Variants in KCTD10 observed in about 807,000 individuals in gnomAD.
KCTD10 encodes potassium channel tetramerization domain containing 10, also known as BTB/POZ domain-containing adapter for CUL3-mediated RhoA degradation protein 3.
A neutral mutation model predicts 34.6 loss-of-function variants in KCTD10; 13 were observed. The ratio of observed to expected loss-of-function variants is 0.38; its 90% CI spans 0.24 to 0.60. KCTD10 has a LOEUF of 0.60. KCTD10 is among the 20% of genes least tolerant of loss of function. KCTD10 has a pLI of 0.66. For synonymous variants in KCTD10, 156 were observed against 168.8 expected, an observed-to-expected ratio of 0.92 and a Z score of 0.59; for missense variants, 256 against 420.3, an observed-to-expected ratio of 0.61 and a Z score of 3.42.
chr12:109,456,071 G>A (rs377602387), intron 6 of KCTD10, 47 bp downstream of exon 6: 51 of 1,564,262 alleles, frequency 3.3e-5, no homozygotes, highest in Non-Finnish European at 4.5e-5. Context: ...TTCTATAGGT[G>A]TGTGTTTCAG....
At chr12:109,463,434 G>C (rs1873437386) in intron 2 of KCTD10, among the ~76,000 whole-genome samples, 1 of 152,204 alleles carries the variant, frequency 6.6e-6, no homozygotes, top group Non-Finnish European at 1.5e-5. Context: ...TTCAAAGCAG[G>C]AAGTGATCCC....
intron 6 of KCTD10, among the ~76,000 whole-genome samples, chr12:109,453,545 G>C (rs1872879255): frequency 6.6e-6 from 1 of 152,184 alleles, no homozygotes. Flanking sequence ...GCAGCAACCA[G>C]AGACTGCAGG....
intron 2 of KCTD10, among the ~76,000 whole-genome samples, chr12:109,467,914 C>T (rs1873672902): frequency 6.6e-6 from 1 of 152,152 alleles, no homozygotes; most frequent in Non-Finnish European, 1.5e-5. Flanking sequence ...GCCACCAAGG[C>T]GAGGCCTTTC....
intron 1 of KCTD10, 195 bp from the exon 2 acceptor site, chr12:109,469,923 C>A (rs2135678012): frequency 1.5e-6 from 2 of 1,294,038 alleles, no homozygotes; most frequent in South Asian, 1.6e-5. Context: ...AAATCAGAGG[C>A]CAACTGGGCT....
At chr12:109,471,497 C>T (rs1873883920) in intron 1 of KCTD10, 1 of 847,802 alleles carries the variant, frequency 1.2e-6, no homozygotes, top group Non-Finnish European at 1.4e-6. Flanking sequence ...AGGCTTAGCT[C>T]ACCTGGGGTC....
intron 1 of KCTD10, among the ~76,000 whole-genome samples, chr12:109,475,906 TCTCC>T (rs1874185681): frequency 6.6e-6 from 1 of 152,366 alleles, no homozygotes; most frequent in Admixed American, 6.5e-5. Context: ...AATGACATTC[TCTCC>T]CTGTGTTTAA....
At chr12:109,472,173 TAA>T (rs2135681518) in intron 1 of KCTD10, among the ~76,000 whole-genome samples, 1 of 152,348 alleles carries the variant, frequency 6.6e-6, no homozygotes, top group South Asian at 2.1e-4. Flanking sequence ...AAAAACTTTT[TAA>T]TTTTTTTTTA....
At chr12:109,455,699 C>T (rs1381268597) in intron 6 of KCTD10, among the ~76,000 whole-genome samples, 6 of 152,178 alleles carry the variant, frequency 3.9e-5, no homozygotes, top group Admixed American at 3.9e-4. Context: ...GACAGAAAAC[C>T]CAATTGCAGA....
In KCTD10 at chr12:109,451,137, T is replaced by C. The variant is rs1228018898; in HGVS notation, c.*458A>G. 2 of 154,166 alleles carry C rather than the reference T, an allele frequency of 1.3e-5. No homozygotes were observed. Among genetic ancestry groups the C allele is most frequent in the East Asian group, 3.8e-4 (2 of 5,212 alleles). 9.5% of individuals were successfully genotyped at this position (154,166 alleles called of 1,614,324 possible). A position where few individuals can be genotyped will look rare whatever the true frequency, so the allele number is the denominator to read the frequency against. On this transcript the variant is annotated 3_prime_UTR_variant, in exon 7 of 7. Coordinates refer to ENST00000228495, the MANE Select transcript of KCTD10 (RefSeq NM_031954.5). The surrounding 1 kb of genome is among the most constrained non-coding windows in gnomAD (Gnocchi z 5.0). ...CTGCTGGGGCTGGAGGATTATGAAA[T>C]AGGAAGCAGGGAGCTCAGATACCTC...
At chr12:109,471,590 C>T (rs769503356) in intron 1 of KCTD10, among the ~76,000 whole-genome samples, 5 of 152,162 alleles carry the variant, frequency 3.3e-5, no homozygotes, top group African/African-American at 9.7e-5. Flanking sequence ...AATCAGTCCC[C>T]AGAGACCTCA....
intron 2 of KCTD10, among the ~76,000 whole-genome samples, chr12:109,466,850 G>A (rs1307255265): frequency 6.6e-6 from 1 of 152,274 alleles, no homozygotes. Flanking sequence ...CTTCATTGCA[G>A]CTGACAGGCT....
At chr12:109,464,166 C>T (rs954093938) in intron 2 of KCTD10, among the ~76,000 whole-genome samples, 1 of 152,180 alleles carries the variant, frequency 6.6e-6, no homozygotes, top group African/African-American at 2.4e-5. Flanking sequence ...GGTATTTATA[C>T]TCTATATTTT....
In KCTD10 at chr12:109,450,328, C is replaced by T; in HGVS notation, c.*1267G>A. The T allele has an allele frequency of 2.6e-6, 1 of 387,340 alleles. No homozygotes were observed. The highest frequency in any genetic ancestry group is 4.5e-6 in the Non-Finnish European group (1 of 222,600). The allele number at this position is 387,340 out of a possible 1,614,324, so 24.0% of individuals were successfully genotyped here. A position where few individuals can be genotyped will look rare whatever the true frequency, so the allele number is the denominator to read the frequency against. On this transcript the variant is annotated 3_prime_UTR_variant, in exon 7 of 7. Transcript: ENST00000228495. Reference sequence around the variant, plus strand: ...TGAGAACACCCGTCCTACATAGGCGCTGCGCCCAGCCGGGCTCCAGCAGGG... The same window carrying T: ...TGAGAACACCCGTCCTACATAGGCGTTGCGCCCAGCCGGGCTCCAGCAGGG...
rs559110562 is a variant in KCTD10 at position 109,466,352 on chromosome 12, G to A, written c.217+3163C>T. The stretch of plus-strand genomic sequence containing the variant: ...CAACATCTCAGGCCCTGTGGCAAGC[G>A]CTTTCTCATGTCCTCACTCAATCCC... On this transcript the variant is annotated intron_variant, in intron 2 of 6. Coordinates refer to ENST00000228495, the MANE Select transcript of KCTD10 (RefSeq NM_031954.5). 6.6e-5 allele frequency among the ~76,000 whole-genome samples: 10 copies of A among 152,310 alleles called. No individual in the cohort carries two copies. In the East Asian group the frequency reaches 7.7e-4, roughly 12 times the overall value.
rs967919743 is a variant in KCTD10, at chr12:109,449,735, T to C, written c.*1860A>G. 1 of 151,888 alleles carries C rather than the reference T, an allele frequency of 6.6e-6. No individual in the cohort carries two copies. The highest frequency in any genetic ancestry group is 1.5e-5 in the Non-Finnish European group (1 of 67,994). 9.4% of individuals were successfully genotyped at this position (151,888 alleles called of 1,614,324 possible). A position where few individuals can be genotyped will look rare whatever the true frequency, so the allele number is the denominator to read the frequency against. The stretch of plus-strand genomic sequence containing the variant: ...AGCAAGACTCCGCCTCAAAAAAAAA[T>C]TTATACAATGGCTTTTCCATTTTCC... On this transcript the variant is annotated 3_prime_UTR_variant, in exon 7 of 7. Coordinates refer to ENST00000228495, the MANE Select transcript of KCTD10 (RefSeq NM_031954.5).
In KCTD10 at chr12:109,450,131, TA is replaced by T. The variant is rs1872692193; in HGVS notation, c.*1463del. On this transcript the variant is annotated 3_prime_UTR_variant, in exon 7 of 7. Coordinates refer to ENST00000228495, the MANE Select transcript of KCTD10 (RefSeq NM_031954.5). Reference sequence around the variant, plus strand: ...TACATGTGTCAAAGGCTGCCCATGTTAATACCTTTGGTATAAAACGGTAACG... The same window carrying T: ...TACATGTGTCAAAGGCTGCCCATGTTATACCTTTGGTATAAAACGGTAACG... 2.5e-6 allele frequency: 1 copy of T among 397,670 alleles called. No individual in the cohort carries two copies. Among genetic ancestry groups the T allele is most frequent in the Non-Finnish European group, 4.4e-6 (1 of 225,880 alleles). The allele number at this position is 397,670 out of a possible 1,614,324, so 24.6% of individuals were successfully genotyped here. A position where few individuals can be genotyped will look rare whatever the true frequency, so the allele number is the denominator to read the frequency against.
At chr12:109,469,386 T>C in intron 2 of KCTD10, 129 bp downstream of exon 2, 1 of 1,059,864 alleles carries the variant, frequency 9.4e-7, no homozygotes, top group Non-Finnish European at 1.4e-6. Context: ...CAAGTCAAGA[T>C]GGTGGGAGTC....
chr12:109,474,414 T>C (rs1024367206), intron 1 of KCTD10, among the ~76,000 whole-genome samples: 3 of 152,164 alleles, frequency 2.0e-5, no homozygotes, highest in African/African-American at 7.2e-5. Flanking sequence ...CCCCTGAATA[T>C]AATGTTGCTG....
chr12:109,450,328 C>G lies in KCTD10; in HGVS notation c.*1267G>C. The G allele has an allele frequency of 2.6e-6, 1 of 387,340 alleles. No homozygotes were observed. The highest frequency in any genetic ancestry group is 4.5e-6 in the Non-Finnish European group (1 of 222,600). 24.0% of individuals were successfully genotyped at this position (387,340 alleles called of 1,614,324 possible). ...TGAGAACACCCGTCCTACATAGGCG[C>G]TGCGCCCAGCCGGGCTCCAGCAGGG... On this transcript the variant is annotated 3_prime_UTR_variant, in exon 7 of 7. Coordinates refer to ENST00000228495, the MANE Select transcript of KCTD10 (RefSeq NM_031954.5).
Sources: allele counts gnomAD v4.1 joint callset (sites outside exome capture counted in the v4.1 genomes callset), GRCh38; gene constraint gnomAD v4.1.1; non-coding constraint Gnocchi (gnomAD v3.1); transcripts MANE v1.5; gene names NCBI Gene and HGNC (gene_info 2026-07-23, HGNC 2026-07-21).